The following CACNG6 variants were observed in gnomAD, a reference collection of about 807,000 sequenced individuals.
The protein encoded by CACNG6 is voltage-dependent calcium channel gamma-6 subunit.
CACNG6 carries 21 observed loss-of-function variants against 23.9 expected under a neutral mutation model. The observed-to-expected ratio is 0.88, with a 90% CI of 0.62 to 1.26. The LOEUF is 1.26. Ranked by LOEUF, CACNG6 falls within the 50% of genes most tolerant of loss-of-function variation. The pLI, the probability that CACNG6 is intolerant of heterozygous loss-of-function variation, is 0.00. For missense variants in CACNG6, 340 were observed against 352.9 expected, an observed-to-expected ratio of 0.96 and a Z score of 0.29; for synonymous variants, 182 against 168.9, an observed-to-expected ratio of 1.08 and a Z score of -0.60.
At position 53,992,558 on chromosome 19, in the gene CACNG6, A is replaced by C; in HGVS notation, c.-320A>C. 1 of 205,640 alleles carries C rather than the reference A, an allele frequency of 4.9e-6. No homozygotes were observed. Among genetic ancestry groups the C allele is most frequent in the Non-Finnish European group, 9.6e-6 (1 of 103,828 alleles). The allele number at this position is 205,640 out of a possible 1,614,324, so 12.7% of individuals were successfully genotyped here. ...ACTCCCTCCTGGGAAGCCGAATTCT[A>C]TCTCTAAACCTCAGGGTGGGGGCCT... On this transcript the variant is annotated 5_prime_UTR_variant, in exon 1 of 4. Coordinates refer to ENST00000252729, the MANE Select transcript of CACNG6 (RefSeq NM_145814.2). The surrounding 1 kb of genome is among the most constrained non-coding windows in gnomAD (Gnocchi z 4.1).
At chr19:54,004,285 C>A (rs868216007) in intron 3 of CACNG6, among the ~76,000 whole-genome samples, 1 of 151,682 alleles carries the variant, frequency 6.6e-6, no homozygotes, top group Admixed American at 6.6e-5. Context: ...CTCAGCCTCC[C>A]GAGCTGGGAT....
intron 3 of CACNG6, among the ~76,000 whole-genome samples, chr19:54,005,615 A>ATGG (rs1175876855): frequency 6.6e-6 from 1 of 151,460 alleles, no homozygotes; most frequent in African/African-American, 2.4e-5. Flanking sequence ...TTAGGCGGGC[A>ATGG]TGGTGGTGAT....
At chr19:53,993,267 G>A (rs1456753345) in intron 1 of CACNG6, 59 bp downstream of exon 1, 3 of 1,468,860 alleles carry the variant, frequency 2.0e-6, no homozygotes, top group Admixed American at 2.3e-5. Context: ...AGGGAGAGGG[G>A]CCCGTGTCCG....
intron 1 of CACNG6, among the ~76,000 whole-genome samples, chr19:53,993,870 C>T (rs1376834778): frequency 6.6e-6 from 1 of 151,938 alleles, no homozygotes; most frequent in African/African-American, 2.4e-5. Context: ...TCCCAGGCAT[C>T]GCTGTGTCCC....
intron 3 of CACNG6, among the ~76,000 whole-genome samples, chr19:54,009,962 G>A (rs143015911): frequency 8.6e-4 from 129 of 150,478 alleles, no homozygotes; most frequent in Middle Eastern, 3.4e-3. Context: ...ATTGCAATAT[G>A]ACTTTATCTT....
intron 1 of CACNG6, among the ~76,000 whole-genome samples, chr19:53,995,042 A>G (rs946595155): frequency 1.3e-5 from 2 of 152,022 alleles, no homozygotes; most frequent in African/African-American, 4.8e-5. Context: ...CTCCCGTTCT[A>G]GAGAAGAGAA....
intron 1 of CACNG6, 23 bp from the exon 2 acceptor site, chr19:53,998,215 GT>G: frequency 6.2e-7 from 1 of 1,609,272 alleles, no homozygotes; most frequent in South Asian, 1.1e-5. Flanking sequence ...CCTCATGTCT[GT>G]TTTCTCTCTC....
intron 3 of CACNG6, among the ~76,000 whole-genome samples, chr19:54,009,134 C>T (rs2069677120): frequency 6.6e-6 from 1 of 151,960 alleles, no homozygotes; most frequent in East Asian, 1.9e-4. Flanking sequence ...ACTAAAAATA[C>T]AAAAATTGCC....
rs1418644250 is a variant in CACNG6, at chr19:53,991,918, G to A, written c.-960G>A. 6.6e-6 allele frequency among the ~76,000 whole-genome samples: 1 copy of A among 152,248 alleles called. No individual in the cohort carries two copies. Among genetic ancestry groups the A allele is most frequent in the East Asian group, 1.9e-4 (1 of 5,180 alleles). On this transcript the variant is annotated 5_prime_UTR_variant, in exon 1 of 4. Transcript: ENST00000252729. ...TGGGGGGACTCAGTCCTGGTTTTCCGAGCCGCAGTGCGGACCACAGCCCCA... is the reference window on the plus strand; with the variant it reads ...TGGGGGGACTCAGTCCTGGTTTTCCAAGCCGCAGTGCGGACCACAGCCCCA...
intron 3 of CACNG6, among the ~76,000 whole-genome samples, chr19:54,008,488 A>G (rs1568818602): frequency 6.6e-6 from 1 of 152,164 alleles, no homozygotes; most frequent in African/African-American, 2.4e-5. Context: ...GCTGGGATCC[A>G]TGACTCATGC....
At position 54,002,271 on chromosome 19, in the gene CACNG6, TTTTGTTTTTTTTG is replaced by T. The variant is rs1451691881; in HGVS notation, c.544+2504_544+2516del. Among the ~76,000 whole-genome samples the T allele has an allele frequency of 7.1e-3, 964 of 135,418 alleles. 28 individuals carry two copies. Among genetic ancestry groups the T allele is most frequent in the African/African-American group, 0.03 (911 of 30,208 alleles). The allele number at this position is 135,418 out of a possible 152,430, so 88.8% of individuals were successfully genotyped here. A position where few individuals can be genotyped will look rare whatever the true frequency, so the allele number is the denominator to read the frequency against. ...GCCAAGCCCGGCTAATTTTCGGTTT[TTTTGTTTTTTTTG>T]TTTTTTTTTTTTTTGTAGAGATAGG... On this transcript the variant is annotated intron_variant, in intron 3 of 3. Coordinates refer to ENST00000252729, the MANE Select transcript of CACNG6 (RefSeq NM_145814.2).
chr19:54,011,857 A>C, intron 3 of CACNG6, 94 bp from the exon 4 acceptor site: 1 of 640,296 alleles, frequency 1.6e-6, no homozygotes, highest in Non-Finnish European at 2.1e-6. Context: ...GGAAGGTGCC[A>C]GGGTGGGCGG....
chr19:54,002,481 CT>C (rs200640971), intron 3 of CACNG6, among the ~76,000 whole-genome samples: 1,891 of 127,426 alleles, frequency 0.015, 56 homozygotes, highest in African/African-American at 0.048. Context: ...TCATCTATTT[CT>C]CCTTTTTTTT....
At position 53,995,458 on chromosome 19, in the gene CACNG6, C is replaced by G. The variant is rs546001526; in HGVS notation, c.331+2250C>G. Reference sequence around the variant, plus strand: ...ATGGAATGTGGGGGTGACCCTTACCCTGCACTTTTCCAGATGGGATGTGTC... The same window carrying G: ...ATGGAATGTGGGGGTGACCCTTACCGTGCACTTTTCCAGATGGGATGTGTC... On this transcript the variant is annotated intron_variant, in intron 1 of 3. Coordinates refer to ENST00000252729, the MANE Select transcript of CACNG6 (RefSeq NM_145814.2). 5.3e-5 allele frequency among the ~76,000 whole-genome samples: 8 copies of G among 152,308 alleles called. No homozygotes were observed. In the East Asian group the frequency reaches 7.7e-4, roughly 15 times the overall value.
intron 3 of CACNG6, among the ~76,000 whole-genome samples, chr19:54,005,230 T>TAAAC (rs2069628545): frequency 8.6e-6 from 1 of 116,136 alleles, no homozygotes. Flanking sequence ...AATAAATAAA[T>TAAAC]AAATAAATAA....
At chr19:53,991,572 C>CGAGGGTGGAGGGTGGAGGGTG (rs535117076), upstream of CACNG6, among the ~76,000 whole-genome samples, 3 of 63,822 alleles carry the variant, frequency 4.7e-5, no homozygotes, top group African/African-American at 1.6e-4. Context: ...GAAATAGCCC[C>CGAGGGTGGAGGGTGGAGGGTG]GAGGGTGGAG....
chr19:54,012,241 A>T lies in CACNG6; in HGVS notation c.*52A>T. ...ACCACCGAGCCCTTTGACCTTCTCCATTGTACCCCCAAGATCTTTTTGCCC... is the reference window on the plus strand; with the variant it reads ...ACCACCGAGCCCTTTGACCTTCTCCTTTGTACCCCCAAGATCTTTTTGCCC... On this transcript the variant is annotated 3_prime_UTR_variant, in exon 4 of 4. Transcript: ENST00000252729. 1.3e-6 allele frequency: 1 copy of T among 785,342 alleles called. No individual in the cohort carries two copies. The highest frequency in any genetic ancestry group is 1.9e-6 in the Non-Finnish European group (1 of 529,838). 48.6% of individuals were successfully genotyped at this position (785,342 alleles called of 1,614,324 possible). A position where few individuals can be genotyped will look rare whatever the true frequency, so the allele number is the denominator to read the frequency against.
chr19:53,993,223 C>A lies in CACNG6; in HGVS notation c.331+15C>A. 6.5e-7 allele frequency: 1 copy of A among 1,529,242 alleles called. No individual in the cohort carries two copies. Among genetic ancestry groups the A allele is most frequent in the African/African-American group, 1.4e-5 (1 of 72,482 alleles). The allele number at this position is 1,529,242 out of a possible 1,614,324, so 94.7% of individuals were successfully genotyped here. A position where few individuals can be genotyped will look rare whatever the true frequency, so the allele number is the denominator to read the frequency against. ...GCTGCCCGGAGGTGAGCAGCCGCCGCCCCGAGCGCAGGGCTTGCGTCCCAC... is the reference window on the plus strand; with the variant it reads ...GCTGCCCGGAGGTGAGCAGCCGCCGACCCGAGCGCAGGGCTTGCGTCCCAC... On this transcript the variant is annotated intron_variant, in intron 1 of 3. Coordinates refer to ENST00000252729, the MANE Select transcript of CACNG6 (RefSeq NM_145814.2).
At chr19:54,009,219 G>A (rs960966292) in intron 3 of CACNG6, among the ~76,000 whole-genome samples, 1 of 151,898 alleles carries the variant, frequency 6.6e-6, no homozygotes, top group Admixed American at 6.6e-5. Flanking sequence ...TCAGAAGTTC[G>A]AGACCAGCCT....
Sources: gnomAD v4.1 joint callset for allele counts (sites outside exome capture counted in the v4.1 genomes callset) on GRCh38, gnomAD v4.1.1 for gene constraint, Gnocchi (gnomAD v3.1) non-coding constraint, MANE v1.5 for transcripts, NCBI Gene and HGNC (gene_info 2026-07-23, HGNC 2026-07-21) for gene names.